AFF2: variants seen among roughly 807,000 people sequenced by gnomAD.
AFF2 encodes ALF transcription elongation factor 2.
In AFF2, 14 loss-of-function variants were observed where a neutral mutation model predicts 76.9. The ratio of observed to expected loss-of-function variants is 0.18; its 90% confidence interval spans 0.12 to 0.28. The LOEUF (loss-of-function observed/expected upper bound fraction) is 0.28. Ranked by LOEUF, AFF2 falls within the 10% of genes least tolerant of loss-of-function variation. The pLI is 1.00. For synonymous variants in AFF2, 398 were observed against 366.7 expected, an observed-to-expected ratio of 1.09 and a Z score of -0.98; for missense variants, 868 against 1,001.1, an observed-to-expected ratio of 0.87 and a Z score of 1.79.
chrX:148,820,892 G>A (rs1157697167), intron 4 of AFF2, among the ~76,000 whole-genome samples: 1 of 111,664 alleles, frequency 9.0e-6, no homozygotes, highest in Non-Finnish European at 1.9e-5. Context: ...TTCCAAACTG[G>A]AACGTCTAAA....
chrX:148,926,198 A>G (rs1292060473), intron 9 of AFF2, among the ~76,000 whole-genome samples: 1 of 111,463 alleles, frequency 9.0e-6, no homozygotes, highest in Non-Finnish European at 1.9e-5. Context: ...CTTCCCATGT[A>G]CTGTGCATTA....
At chrX:148,562,201 T>G (rs2053120915) in intron 1 of AFF2, among the ~76,000 whole-genome samples, 1 of 112,677 alleles carries the variant, frequency 8.9e-6, no homozygotes, top group Non-Finnish European at 1.9e-5. Flanking sequence ...GATTTCTTTT[T>G]AAACCACATT....
chrX:148,723,679 C>G (rs532318448), intron 3 of AFF2, among the ~76,000 whole-genome samples: 1 of 110,927 alleles, frequency 9.0e-6, no homozygotes, highest in African/African-American at 3.3e-5. Context: ...GTGATGAATG[C>G]CTTGACTGGA....
intron 3 of AFF2, among the ~76,000 whole-genome samples, chrX:148,663,950 T>G (rs782414652): frequency 2.7e-5 from 3 of 112,262 alleles, no homozygotes; most frequent in African/African-American, 9.7e-5. Context: ...TTGTTTCATT[T>G]CTGAGGCAGT....
At chrX:148,986,748 A>G (rs2072476713) in intron 19 of AFF2, among the ~76,000 whole-genome samples, 1 of 113,349 alleles carries the variant, frequency 8.8e-6, no homozygotes, top group South Asian at 3.6e-4. Flanking sequence ...TGATAGACCA[A>G]TATTGGACAT....
intron 3 of AFF2, among the ~76,000 whole-genome samples, chrX:148,698,777 G>T (rs1288833842): frequency 5.8e-5 from 6 of 103,910 alleles, no homozygotes; most frequent in African/African-American, 1.8e-4. Context: ...GAAGCAGTGG[G>T]ATCTAATCTG....
intron 3 of AFF2, among the ~76,000 whole-genome samples, chrX:148,802,212 C>T (rs1211097634): frequency 8.9e-6 from 1 of 111,952 alleles, no homozygotes; most frequent in Admixed American, 9.5e-5. Flanking sequence ...TTAATAAAAT[C>T]GTAGAATCCA....
At position 148,614,631 on chromosome X, in the gene AFF2, T is replaced by TTCTC. The variant is rs1193082722; in HGVS notation, c.48-37358_48-37355dup. ...TCTTTTCCTTCCTTCCTTTCTTTCT[T>TTCTC]TCTCTCTCTCTCTTTCTTTCTTCCT... On this transcript the variant is annotated intron_variant, in intron 1 of 20. Transcript: ENST00000370460. Among the ~76,000 whole-genome samples the TTCTC allele has an allele frequency of 3.8e-5, 4 of 106,653 alleles. No homozygotes were observed. In the East Asian group the frequency reaches 1.2e-3, roughly 32 times the overall value. 92.6% of individuals were successfully genotyped at this position (106,653 alleles called of 115,157 possible).
intron 3 of AFF2, among the ~76,000 whole-genome samples, chrX:148,801,414 AC>A (rs2070057297): frequency 1.8e-5 from 2 of 111,694 alleles, no homozygotes; most frequent in South Asian, 3.8e-4. Context: ...CAGTAACCAC[AC>A]CCCACTCTCA....
chrX:148,514,153 G>A (rs901896512), intron 1 of AFF2, among the ~76,000 whole-genome samples: 8 of 111,609 alleles, frequency 7.2e-5, no homozygotes, highest in Middle Eastern at 4.6e-3. Flanking sequence ...TGATAGGCAC[G>A]CATTTGTTTA....
Position 148,998,789 on chromosome X carries a change from A to T in AFF2, c.*7457A>T, listed in dbSNP as rs2072639036. On this transcript the variant is annotated 3_prime_UTR_variant, in exon 21 of 21. Coordinates refer to ENST00000370460, the MANE Select transcript of AFF2 (RefSeq NM_002025.4). The stretch of plus-strand genomic sequence containing the variant: ...TCATTTCTCCTTTTCCTTTTCCATT[A>T]TTTTTCGATGGGGGGGTTGTTATCA... The T allele has an allele frequency of 3.0e-5, 3 of 100,117 alleles. No homozygotes were observed. The highest frequency in any genetic ancestry group is 4.5e-4 in the South Asian group (1 of 2,207). The allele number at this position is 100,117 out of a possible 1,213,427, so 8.3% of individuals were successfully genotyped here.
chrX:148,912,217 C>T (rs968528672), intron 9 of AFF2, among the ~76,000 whole-genome samples: 2 of 112,244 alleles, frequency 1.8e-5, no homozygotes, highest in African/African-American at 6.5e-5. Flanking sequence ...AGGTTTGTTA[C>T]ATAGGTATAC....
chrX:148,839,894 G>GGTGTGTGTGTGTGTGTGT lies in AFF2; in HGVS notation c.1173+2186_1173+2203dup, dbSNP rs200060298. Among the ~76,000 whole-genome samples the GGTGTGTGTGTGTGTGTGT allele has an allele frequency of 2.1e-3, 183 of 87,013 alleles. 1 individual carries two copies. Among genetic ancestry groups the GGTGTGTGTGTGTGTGTGT allele is most frequent in the African/African-American group, 7.2e-3 (176 of 24,546 alleles). 75.6% of individuals were successfully genotyped at this position (87,013 alleles called of 115,157 possible). ...TGTTTCCCCATCTGTGTTGGGGCAT[G>GGTGTGTGTGTGTGTGTGT]GTGTGTGTGTGTGTGTGTGTGTGTG... is the stretch of plus-strand genomic sequence containing the variant. On this transcript the variant is annotated intron_variant, in intron 5 of 20. Coordinates refer to ENST00000370460, the MANE Select transcript of AFF2 (RefSeq NM_002025.4).
intron 1 of AFF2, among the ~76,000 whole-genome samples, chrX:148,648,561 CAAAAAAAAAAA>C (rs1241628949): frequency 1.3e-3 from 31 of 23,057 alleles, no homozygotes; most frequent in African/African-American, 3.9e-3. Context: ...AAAACTCCGT[CAAAAAAAAAAA>C]AAAAAAAAAA....
At chrX:148,535,804 A>T (rs2052778054) in intron 1 of AFF2, among the ~76,000 whole-genome samples, 1 of 111,149 alleles carries the variant, frequency 9.0e-6, no homozygotes, top group Admixed American at 9.6e-5. Context: ...TAGTGGCAAC[A>T]GATTTTATGA....
intron 1 of AFF2, among the ~76,000 whole-genome samples, chrX:148,532,734 A>G (rs956181343): frequency 6.2e-5 from 7 of 112,187 alleles, no homozygotes; most frequent in Non-Finnish European, 1.1e-4. Context: ...TGGATGAGAA[A>G]TTCAGCCCTG....
rs186648278 is a variant in AFF2, at chrX:148,710,703, T to C, written c.1041+47935T>C. Among the ~76,000 whole-genome samples, 228 of 112,231 alleles carry C rather than the reference T, an allele frequency of 2.0e-3. 1 individual carries two copies. The highest frequency in any genetic ancestry group is 7.3e-3 in the African/African-American group (225 of 30,984). On this transcript the variant is annotated intron_variant, in intron 3 of 20. Coordinates refer to ENST00000370460, the MANE Select transcript of AFF2 (RefSeq NM_002025.4). ...TGGAAAATTTGTTAGAGTAGTGCATTAACCTCATGTAGATAATTTGCACAA... is the reference window on the plus strand; with the variant it reads ...TGGAAAATTTGTTAGAGTAGTGCATCAACCTCATGTAGATAATTTGCACAA...
At position 148,709,808 on chromosome X, in the gene AFF2, G is replaced by A. The variant is rs143411947; in HGVS notation, c.1041+47040G>A. ...TCAGGAAGGCATTATTACTTATCTC[G>A]CTTCAATTGTCTGTCCTGTAAAATG... On this transcript the variant is annotated intron_variant, in intron 3 of 20. Transcript: ENST00000370460. Among the ~76,000 whole-genome samples the A allele has an allele frequency of 2.6e-3, 290 of 111,762 alleles. 2 individuals are homozygous for A. Among genetic ancestry groups the A allele is most frequent in the African/African-American group, 9.2e-3 (284 of 30,804 alleles).
At chrX:148,624,197 G>A (rs1252829442) in intron 1 of AFF2, among the ~76,000 whole-genome samples, 1 of 111,149 alleles carries the variant, frequency 9.0e-6, no homozygotes, top group Non-Finnish European at 1.9e-5. Flanking sequence ...TTTGCAGTCC[G>A]CAGTCCCTTC....
Sources: gnomAD v4.1 joint callset for allele counts (sites outside exome capture counted in the v4.1 genomes callset) on GRCh38, gnomAD v4.1.1 for gene constraint, MANE v1.5 for transcripts, NCBI Gene and HGNC (gene_info 2026-07-23, HGNC 2026-07-21) for gene names.